LGR4: variants seen among roughly 807,000 people sequenced by gnomAD.
LGR4 encodes leucine rich repeat containing G protein-coupled receptor 4.
Under a neutral mutation model 84.8 loss-of-function variants are expected in LGR4, and 44 were observed. The ratio of observed to expected loss-of-function variants is 0.52; its 90% confidence interval spans 0.41 to 0.67. LGR4 has a LOEUF of 0.67. Ranked by LOEUF, LGR4 falls within the 30% of genes least tolerant of loss-of-function variation. The pLI is 0.00. For synonymous variants in LGR4, 429 were observed against 434.3 expected (o/e 0.99, Z 0.15); for missense variants, 1,032 against 1,131.4 (o/e 0.91, Z 1.26).
intron 2 of LGR4, among the ~76,000 whole-genome samples, chr11:27,402,292 C>T (rs987056963): frequency 6.6e-6 from 1 of 152,156 alleles, no homozygotes; most frequent in African/African-American, 2.4e-5. Context: ...AGCTCTACTC[C>T]TAAATGAGAA....
intron 1 of LGR4, among the ~76,000 whole-genome samples, chr11:27,424,854 T>C: frequency 6.6e-6 from 1 of 152,084 alleles, no homozygotes. Flanking sequence ...TTCAGGCAAT[T>C]CTCCTCCTTC....
In LGR4 at chr11:27,380,677, T is replaced by G; in HGVS notation, c.865A>C (p.Asn289His). 6.2e-7 allele frequency: 1 copy of G among 1,603,816 alleles called. No individual in the cohort carries two copies. Among genetic ancestry groups the G allele is most frequent in the South Asian group, 1.1e-5 (1 of 89,850 alleles). Residue 289 changes from asparagine (N) to histidine (H), a missense_variant, in exon 9 of 18, where the codon AAC becomes CAC. Physicochemically the swap from Asn to His is moderately conservative, Grantham distance 68. Transcript: ENST00000379214. ...TCAGATAAATTGTGAAATGCTGAGT[T>G]CCCCACAAAAGACAGAGGATTATCA... ...LYDNPLSFVG[N>H]SAFHNLSDLH...
chr11:27,432,335 T>C (rs1210435010), intron 1 of LGR4, among the ~76,000 whole-genome samples: 3 of 152,182 alleles, frequency 2.0e-5, no homozygotes, highest in African/African-American at 7.2e-5. Flanking sequence ...TTTAACAAAT[T>C]AGACATTTCC....
chr11:27,382,342 T>A (rs887323339), intron 6 of LGR4, 86 bp from the exon 7 acceptor site: 2 of 837,726 alleles, frequency 2.4e-6, no homozygotes, highest in East Asian at 5.0e-5. Context: ...AGTATTTTTT[T>A]AAATCATATC....
At chr11:27,440,488 A>G (rs542265535) in intron 1 of LGR4, among the ~76,000 whole-genome samples, 1 of 152,330 alleles carries the variant, frequency 6.6e-6, no homozygotes, top group African/African-American at 2.4e-5. Context: ...TTCCAGTTTT[A>G]CAGAGCACAA....
intron 1 of LGR4, among the ~76,000 whole-genome samples, chr11:27,460,578 C>T (rs1864662506): frequency 6.6e-6 from 1 of 152,198 alleles, no homozygotes; most frequent in Non-Finnish European, 1.5e-5. Context: ...ATTGATTTAT[C>T]CAAAACAAGG....
chr11:27,412,940 G>A lies in LGR4; in HGVS notation c.186-80C>T. The stretch of plus-strand genomic sequence containing the variant: ...ATTTAATCCAACAGAAAACTAACTA[G>A]GTGTTACAATTTTGTGAAAGAGCAT... On this transcript the variant is annotated intron_variant, in intron 1 of 17. Transcript: ENST00000379214. 4.3e-6 allele frequency: 4 copies of A among 938,868 alleles called. No individual in the cohort carries two copies. In the Admixed American group the frequency reaches 7.5e-5, roughly 18 times the overall value. The allele number at this position is 938,868 out of a possible 1,614,324, so 58.2% of individuals were successfully genotyped here.
intron 1 of LGR4, among the ~76,000 whole-genome samples, chr11:27,436,353 G>C (rs1160755324): frequency 8.0e-6 from 1 of 125,018 alleles, no homozygotes; most frequent in Non-Finnish European, 1.6e-5. Context: ...GAGAGAGAAA[G>C]AAAGAAAGAA....
chr11:27,380,246 C>T, intron 10 of LGR4, 25 bp downstream of exon 10: 1 of 1,488,778 alleles, frequency 6.7e-7, no homozygotes, highest in East Asian at 2.3e-5. Flanking sequence ...CTTTATACAA[C>T]CCCTCTTCAA....
chr11:27,384,163 CTTAGA>C, intron 6 of LGR4, 168 bp downstream of exon 6: 5 of 532,244 alleles, frequency 9.4e-6, no homozygotes, highest in Non-Finnish European at 1.6e-5. Flanking sequence ...TAGCCATGGA[CTTAGA>C]TTAGTATTCA....
intron 1 of LGR4, among the ~76,000 whole-genome samples, chr11:27,427,031 A>G (rs547307320): frequency 1.3e-5 from 2 of 152,288 alleles, no homozygotes; most frequent in African/African-American, 2.4e-5. Context: ...CAAAGAGAAA[A>G]ACAGTACTAC....
At chr11:27,396,397 T>C (rs767183825) in intron 2 of LGR4, among the ~76,000 whole-genome samples, 2 of 152,172 alleles carry the variant, frequency 1.3e-5, no homozygotes, top group Admixed American at 6.5e-5. Context: ...TACAGTGCCA[T>C]CCTTCCCATA....
chr11:27,428,929 G>A (rs534201052), intron 1 of LGR4, among the ~76,000 whole-genome samples: 19 of 152,202 alleles, frequency 1.2e-4, no homozygotes, highest in East Asian at 1.2e-3. Flanking sequence ...CCATGTAGCC[G>A]GTAGAGTGAT....
chr11:27,405,520 C>T (rs928219066), intron 2 of LGR4, among the ~76,000 whole-genome samples: 5 of 152,152 alleles, frequency 3.3e-5, no homozygotes, highest in Non-Finnish European at 1.5e-5. Context: ...ATCCTGGACT[C>T]CACTCCTGAA....
intron 1 of LGR4, among the ~76,000 whole-genome samples, chr11:27,442,256 CA>C (rs1250674568): frequency 1.3e-5 from 2 of 152,112 alleles, no homozygotes; most frequent in Non-Finnish European, 2.9e-5. Context: ...AACCCAGCTC[CA>C]ATACCACATT....
At chr11:27,456,274 C>G (rs1198802176) in intron 1 of LGR4, among the ~76,000 whole-genome samples, 1 of 151,862 alleles carries the variant, frequency 6.6e-6, no homozygotes, top group Non-Finnish European at 1.5e-5. Flanking sequence ...CCCATCAAGT[C>G]TGTAAAACAT....
At chr11:27,376,552 A>G (rs367565331) in intron 12 of LGR4, among the ~76,000 whole-genome samples, 182 bp from the exon 13 acceptor site, 12 of 152,312 alleles carry the variant, frequency 7.9e-5, no homozygotes, top group African/African-American at 2.6e-4. Context: ...TGTAACAGTG[A>G]TCTTGTTGAA....
chr11:27,432,572 G>T (rs888082335), intron 1 of LGR4, among the ~76,000 whole-genome samples: 3 of 152,148 alleles, frequency 2.0e-5, no homozygotes, highest in Non-Finnish European at 4.4e-5. Context: ...GACATATAAC[G>T]AAGAAGTTCT....
chr11:27,455,996 A>C (rs1159053349), intron 1 of LGR4, among the ~76,000 whole-genome samples: 3 of 152,234 alleles, frequency 2.0e-5, no homozygotes, highest in Admixed American at 6.5e-5. Context: ...ATGAGCATCT[A>C]AGTTAATAAC....
Sources: gnomAD v4.1 joint callset for allele counts (sites outside exome capture counted in the v4.1 genomes callset) on GRCh38, gnomAD v4.1.1 for gene constraint, MANE v1.5 for transcripts, NCBI Gene and HGNC (gene_info 2026-07-23, HGNC 2026-07-21) for gene names.